The following PTPRD variants were observed in gnomAD, a reference collection of about 807,000 sequenced individuals.
The protein encoded by PTPRD is receptor-type tyrosine-protein phosphatase delta.
A neutral mutation model predicts 214.5 loss-of-function variants in PTPRD; 34 were observed. The ratio of observed to expected loss-of-function variants is 0.16; its 90% CI spans 0.12 to 0.21. The LOEUF (loss-of-function observed/expected upper bound fraction) is 0.21, where lower values mean the gene tolerates loss of function less well. PTPRD is among the 10% of genes least tolerant of loss of function. PTPRD has a pLI of 1.00. For synonymous variants in PTPRD, 1,128 were observed against 845.7 expected (o/e 1.33, Z -5.79); for missense variants, 2,545 against 2,398.7 (o/e 1.06, Z -1.27).
chr9:10,465,868 T>C (rs959174772), intron 2 of PTPRD, among the ~76,000 whole-genome samples: 3 of 152,192 alleles, frequency 2.0e-5, no homozygotes, highest in African/African-American at 7.2e-5. Flanking sequence ...TGACTGTTTA[T>C]ACAGATCCTA....
At chr9:9,717,200 A>G (rs932340946) in intron 7 of PTPRD, among the ~76,000 whole-genome samples, 3 of 152,076 alleles carry the variant, frequency 2.0e-5, no homozygotes, top group Non-Finnish European at 2.9e-5. Context: ...GTTCTGTTCC[A>G]TTGATCTATA....
intron 5 of PTPRD, among the ~76,000 whole-genome samples, chr9:9,832,630 A>G (rs2055269726): frequency 6.6e-6 from 1 of 152,012 alleles, no homozygotes; most frequent in African/African-American, 2.4e-5. Context: ...GAAACATAAG[A>G]GAGAACTTCC....
At chr9:9,600,537 A>T (rs992446441) in intron 7 of PTPRD, among the ~76,000 whole-genome samples, 5 of 151,952 alleles carry the variant, frequency 3.3e-5, no homozygotes, top group South Asian at 2.1e-4. Context: ...GTGTCTTACG[A>T]GGTGTGTGGT....
At chr9:9,806,194 G>A (rs1276955075) in intron 5 of PTPRD, among the ~76,000 whole-genome samples, 2 of 152,026 alleles carry the variant, frequency 1.3e-5, no homozygotes, top group Non-Finnish European at 2.9e-5. Context: ...TCACCCCCAG[G>A]AATGTCAGGC....
chr9:9,128,529 G>C (rs1194764020), intron 10 of PTPRD, among the ~76,000 whole-genome samples: 2 of 152,130 alleles, frequency 1.3e-5, no homozygotes, highest in African/African-American at 2.4e-5. Flanking sequence ...AATGATACAA[G>C]GCTAACATGA....
At chr9:9,715,574 A>G (rs1004152058) in intron 7 of PTPRD, among the ~76,000 whole-genome samples, 1 of 152,196 alleles carries the variant, frequency 6.6e-6, no homozygotes, top group Non-Finnish European at 1.5e-5. Flanking sequence ...AGTAAAACTG[A>G]AAAGACAAAA....
At chr9:8,643,524 C>T (rs921458086) in intron 12 of PTPRD, among the ~76,000 whole-genome samples, 3 of 152,206 alleles carry the variant, frequency 2.0e-5, no homozygotes, top group Admixed American at 6.5e-5. Flanking sequence ...TGCCCTCACA[C>T]TGGCTGCAGA....
rs576746241 is a variant in PTPRD, at chr9:10,169,404, G to T, written c.-544-135614C>A. Among the ~76,000 whole-genome samples, 111 of 148,306 alleles carry T rather than the reference G, an allele frequency of 7.5e-4. 1 individual carries two copies. The Middle Eastern group carries it at 0.031, about 42-fold the overall frequency. On this transcript the variant is annotated intron_variant, in intron 3 of 45. Coordinates refer to ENST00000381196, the MANE Select transcript of PTPRD (RefSeq NM_002839.4). ...CAGGAGAATGGCGTGAACCCCGGAGGCGGAGCTTGCAGTGAGCAGAGATCG... is the reference window on the plus strand; with the variant it reads ...CAGGAGAATGGCGTGAACCCCGGAGTCGGAGCTTGCAGTGAGCAGAGATCG...
chr9:8,469,942 T>C (rs560072041), intron 31 of PTPRD, among the ~76,000 whole-genome samples: 1 of 152,228 alleles, frequency 6.6e-6, no homozygotes, highest in African/African-American at 2.4e-5. Flanking sequence ...CAGACATAGA[T>C]ATGAAATAAG....
chr9:8,638,751 C>T (rs1417632559), intron 12 of PTPRD, among the ~76,000 whole-genome samples: 1 of 152,168 alleles, frequency 6.6e-6, no homozygotes, highest in Non-Finnish European at 1.5e-5. Flanking sequence ...TGCTAGAGAT[C>T]ATAACCTGTA....
intron 3 of PTPRD, among the ~76,000 whole-genome samples, chr9:10,092,926 C>A (rs1024233437): frequency 6.6e-6 from 1 of 151,466 alleles, no homozygotes; most frequent in Non-Finnish European, 1.5e-5. Flanking sequence ...TGGACTCCTG[C>A]CTTTTACCAT....
chr9:9,205,959 G>A (rs377200283), intron 9 of PTPRD, among the ~76,000 whole-genome samples: 6 of 152,340 alleles, frequency 3.9e-5, no homozygotes, highest in African/African-American at 1.4e-4. Flanking sequence ...AGTGAGTATA[G>A]CAGAGGGTGG....
intron 4 of PTPRD, among the ~76,000 whole-genome samples, chr9:10,007,139 T>G (rs1315832829): frequency 1.3e-5 from 2 of 151,982 alleles, no homozygotes; most frequent in Non-Finnish European, 2.9e-5. Flanking sequence ...TTTAAGGACA[T>G]AAGTCAGAAT....
At chr9:8,629,836 T>C (rs910505339) in intron 14 of PTPRD, among the ~76,000 whole-genome samples, 6 of 151,830 alleles carry the variant, frequency 4.0e-5, no homozygotes, top group Non-Finnish European at 5.9e-5. Flanking sequence ...GTATAGTTAA[T>C]TGCCCAAATA....
chr9:8,784,084 C>T (rs1231820365), intron 11 of PTPRD, among the ~76,000 whole-genome samples: 1 of 152,186 alleles, frequency 6.6e-6, no homozygotes, highest in Admixed American at 6.5e-5. Context: ...GCCCCTTCAG[C>T]CCTTGGAGTT....
chr9:8,953,425 T>G (rs7848109), intron 11 of PTPRD, among the ~76,000 whole-genome samples: 67,761 of 151,764 alleles, frequency 0.45, 16,241 homozygotes, highest in East Asian at 0.76. Context: ...AATACCCTTC[T>G]TGATATCAGC....
At chr9:9,578,450 T>C (rs1369884286) in intron 7 of PTPRD, among the ~76,000 whole-genome samples, 1 of 152,060 alleles carries the variant, frequency 6.6e-6, no homozygotes, top group Admixed American at 6.6e-5. Flanking sequence ...TTACTTCCTC[T>C]TGACTTAATT....
At chr9:9,598,915 CT>C (rs1013454264) in intron 7 of PTPRD, among the ~76,000 whole-genome samples, 1 of 152,010 alleles carries the variant, frequency 6.6e-6, no homozygotes, top group African/African-American at 2.4e-5. Context: ...AGAGTGCCCC[CT>C]GTCTGACATT....
intron 7 of PTPRD, among the ~76,000 whole-genome samples, chr9:9,700,060 C>T (rs912471462): frequency 6.6e-5 from 10 of 152,006 alleles, no homozygotes; most frequent in African/African-American, 2.4e-4. Flanking sequence ...TGTGAAATTC[C>T]TTAAATATGA....
Sources: allele counts gnomAD v4.1 joint callset (sites outside exome capture counted in the v4.1 genomes callset), GRCh38; gene constraint gnomAD v4.1.1; transcripts MANE v1.5; gene names NCBI Gene and HGNC (gene_info 2026-07-23, HGNC 2026-07-21).